The following TNS3 variants were observed in gnomAD, a reference collection of about 807,000 sequenced individuals.
The protein encoded by TNS3 is tensin-3.
TNS3 carries 45 observed loss-of-function variants against 140.9 expected under a neutral mutation model. The observed-to-expected ratio is 0.32, with a 90% confidence interval of 0.25 to 0.41. TNS3 has a LOEUF of 0.41. TNS3 is among the 10% of genes least tolerant of loss of function. TNS3 has a pLI of 1.00. For synonymous variants in TNS3, 815 were observed against 788.4 expected, an observed-to-expected ratio of 1.03 and a Z score of -0.56; for missense variants, 1,716 against 1,906.7, an observed-to-expected ratio of 0.90 and a Z score of 1.86.
intron 17 of TNS3, among the ~76,000 whole-genome samples, chr7:47,366,885 G>A (rs960288550): frequency 1.3e-5 from 2 of 152,184 alleles, no homozygotes; most frequent in African/African-American, 2.4e-5. Flanking sequence ...TCTCTCATCC[G>A]TGTTACCAGC....
chr7:47,355,251 G>A (rs753474051), intron 17 of TNS3, among the ~76,000 whole-genome samples: 22 of 152,226 alleles, frequency 1.4e-4, no homozygotes, highest in Admixed American at 3.3e-4. Context: ...GCAGGAGGAC[G>A]CTCAGTCATT....
chr7:47,278,343 C>T (rs1169897834), intron 30 of TNS3, 123 bp from the exon 31 acceptor site: 17 of 1,156,442 alleles, frequency 1.5e-5, no homozygotes, highest in Non-Finnish European at 1.9e-5. Flanking sequence ...AAATCAACCA[C>T]GTGCCCAGCA....
rs775324309 is a variant in TNS3 at position 47,304,972 on chromosome 7, G to A, written c.2682C>T (p.His894=). 10 of 1,397,610 alleles carry A rather than the reference G, an allele frequency of 7.2e-6. No individual in the cohort carries two copies. In the South Asian group the frequency reaches 7.3e-5, roughly 10 times the overall value. 86.6% of individuals were successfully genotyped at this position (1,397,610 alleles called of 1,614,324 possible). The part of the protein sequence containing the change: ...EPRSCPETLT[H]AVGMSESPIG... ...TGGGGCTCTCTGACATCCCCACAGC[G>A]TGAGTGAGCGTCTCAGGGCAGCTTC... is the stretch of plus-strand genomic sequence containing the variant. The change falls in exon 21 of 31, where the codon CAC becomes CAT. Residue 894 remains histidine (H), a synonymous_variant. Coordinates refer to ENST00000311160, the MANE Select transcript of TNS3 (RefSeq NM_022748.12).
chr7:47,341,601 AATCT>A (rs1407351346), intron 20 of TNS3, among the ~76,000 whole-genome samples: 2 of 152,110 alleles, frequency 1.3e-5, no homozygotes, highest in East Asian at 3.9e-4. Flanking sequence ...TAACAATAGT[AATCT>A]ATGTCCTCCA....
At chr7:47,501,122 G>A (rs1411206603) in intron 3 of TNS3, among the ~76,000 whole-genome samples, 1 of 135,374 alleles carries the variant, frequency 7.4e-6, no homozygotes, top group South Asian at 2.4e-4. Context: ...AAAGGGAGAA[G>A]AGGAGAAAGG....
intron 1 of TNS3, among the ~76,000 whole-genome samples, chr7:47,533,103 TTATATATATATA>T (rs1340588438): frequency 5.4e-5 from 1 of 18,594 alleles, no homozygotes; most frequent in African/African-American, 1.4e-4. Flanking sequence ...TTGTCAGATT[TTATATATATATA>T]TATATATATT....
At chr7:47,289,084 CAG>C in intron 27 of TNS3, among the ~76,000 whole-genome samples, 1 of 152,266 alleles carries the variant, frequency 6.6e-6, no homozygotes, top group East Asian at 1.9e-4. Flanking sequence ...CCATTCAAAA[CAG>C]AGTAATTTTA....
chr7:47,399,110 T>C (rs1054683704), intron 15 of TNS3, among the ~76,000 whole-genome samples: 2 of 115,942 alleles, frequency 1.7e-5, no homozygotes, highest in African/African-American at 3.3e-5. Context: ...ACTAGAAATA[T>C]ACTTAATCAA....
At chr7:47,279,757 G>C (rs1385687440) in intron 30 of TNS3, 1 of 215,434 alleles carries the variant, frequency 4.6e-6, no homozygotes, top group Non-Finnish European at 9.2e-6. Context: ...GCAACGGTGT[G>C]ATGAAGGCCC....
chr7:47,488,632 C>A (rs1036089025), intron 3 of TNS3, among the ~76,000 whole-genome samples: 14 of 152,242 alleles, frequency 9.2e-5, no homozygotes, highest in Non-Finnish European at 1.6e-4. Context: ...ATCTCCAAAT[C>A]CTGCCATACT....
intron 20 of TNS3, among the ~76,000 whole-genome samples, chr7:47,313,553 G>A (rs1057138221): frequency 1.3e-5 from 2 of 152,212 alleles, no homozygotes; most frequent in Admixed American, 6.5e-5. Flanking sequence ...AGTCATATAA[G>A]AGAGGAGCAC....
chr7:47,441,684 C>T (rs1795473178), intron 5 of TNS3, among the ~76,000 whole-genome samples: 1 of 152,200 alleles, frequency 6.6e-6, no homozygotes, highest in Admixed American at 6.5e-5. Flanking sequence ...GGGCCCCCCT[C>T]ATCTGCTCTA....
chr7:47,401,901 C>A (rs543322110), intron 13 of TNS3, among the ~76,000 whole-genome samples: 8 of 152,352 alleles, frequency 5.3e-5, no homozygotes, highest in African/African-American at 1.9e-4. Flanking sequence ...CAGACCAAAT[C>A]GTGCACAGGC....
At position 47,423,927 on chromosome 7, in the gene TNS3, G is replaced by A. The variant is rs151201203; in HGVS notation, c.473+174C>T. ...CACCACAGACACACAGGATGGCTAA[G>A]TCCTTAACCTCTGGGAGGGACAAGT... On this transcript the variant is annotated intron_variant, in intron 10 of 30. Coordinates refer to ENST00000311160, the MANE Select transcript of TNS3 (RefSeq NM_022748.12). Among the ~76,000 whole-genome samples the A allele has an allele frequency of 1.9e-3, 287 of 152,320 alleles. 4 individuals carry two copies. The highest frequency in any genetic ancestry group is 6.7e-3 in the African/African-American group (278 of 41,558).
rs775769392 is a variant in TNS3, at chr7:47,303,325, C to T, written c.3082G>A (p.Gly1028Arg). ...TCCTCCTCGGGCGGAAGGCCACTTCCCACTGGGGCGGTGCCGAAGCCCAGG... is the reference window on the plus strand; with the variant it reads ...TCCTCCTCGGGCGGAAGGCCACTTCTCACTGGGGCGGTGCCGAAGCCCAGG... ...AFLGFGTAPVGSGLPPEEDLG... is the reference protein window; with the variant it reads ...AFLGFGTAPVRSGLPPEEDLG... Residue 1028 changes from glycine to arginine, a missense_variant, in exon 22 of 31, where the codon GGA becomes AGA. By Grantham distance (125) the Gly-to-Arg change is moderately radical. Transcript: ENST00000311160. 1.2e-4 allele frequency: 195 copies of T among 1,613,414 alleles called. No individual in the cohort carries two copies. Among genetic ancestry groups the T allele is most frequent in the Non-Finnish European group, 1.6e-4 (189 of 1,179,834 alleles).
chr7:47,523,501 C>A (rs958654495), intron 2 of TNS3, among the ~76,000 whole-genome samples: 1 of 152,242 alleles, frequency 6.6e-6, no homozygotes, highest in African/African-American at 2.4e-5. Context: ...GCGCCAGAAA[C>A]CAGAGGTGGG....
At chr7:47,480,119 C>T (rs1296095237) in intron 4 of TNS3, among the ~76,000 whole-genome samples, 3 of 152,228 alleles carry the variant, frequency 2.0e-5, no homozygotes, top group Admixed American at 1.3e-4. Flanking sequence ...CAAGACAGAG[C>T]CAGTTAGCCA....
chr7:47,580,174 C>T (rs1417283416), intron 1 of TNS3, among the ~76,000 whole-genome samples: 2 of 152,178 alleles, frequency 1.3e-5, no homozygotes, highest in East Asian at 1.9e-4. Flanking sequence ...AGTCGACAGA[C>T]GCGCAGCAGC....
At chr7:47,506,988 T>C (rs1798442550) in intron 2 of TNS3, 44 bp from the exon 3 acceptor site, 1 of 1,273,964 alleles carries the variant, frequency 7.8e-7, no homozygotes, top group Non-Finnish European at 1.0e-6. Context: ...AAGCAGTCTC[T>C]CTAGCAAGAA....
Sources: gnomAD v4.1 joint callset for allele counts (sites outside exome capture counted in the v4.1 genomes callset) on GRCh38, gnomAD v4.1.1 for gene constraint, MANE v1.5 for transcripts, NCBI Gene and HGNC (gene_info 2026-07-23, HGNC 2026-07-21) for gene names.